The following KPNA1 variants were observed in gnomAD, a reference collection of about 807,000 sequenced individuals.
The protein encoded by KPNA1 is karyopherin subunit alpha 1.
A neutral mutation model predicts 70.5 loss-of-function variants in KPNA1; 10 were observed. The ratio of observed to expected loss-of-function variants is 0.14; its 90% CI spans 0.09 to 0.24. The LOEUF is 0.24. Ranked by LOEUF, KPNA1 falls within the 10% of genes least tolerant of loss-of-function variation. KPNA1 has a pLI of 1.00. For missense variants in KPNA1, 397 were observed against 637.9 expected (o/e 0.62, Z 4.07); for synonymous variants, 192 against 221.9 (o/e 0.87, Z 1.20).
At chr3:122,508,098 T>C (rs1271246220) in intron 1 of KPNA1, among the ~76,000 whole-genome samples, 1 of 152,010 alleles carries the variant, frequency 6.6e-6, no homozygotes, top group Non-Finnish European at 1.5e-5. Context: ...AATAAAATGG[T>C]AGACATGGTA....
intron 2 of KPNA1, among the ~76,000 whole-genome samples, chr3:122,487,046 A>T (rs1235281070): frequency 1.3e-5 from 2 of 152,214 alleles, no homozygotes; most frequent in Non-Finnish European, 2.9e-5. Context: ...ATAAAAGCAG[A>T]AGGAATGATC....
At chr3:122,448,725 T>C (rs2076167538) in intron 9 of KPNA1, among the ~76,000 whole-genome samples, 1 of 151,340 alleles carries the variant, frequency 6.6e-6, no homozygotes, top group African/African-American at 2.4e-5. Flanking sequence ...ACATTTACCC[T>C]AGGACTTAAA....
At chr3:122,496,621 T>A in intron 1 of KPNA1, 51 bp from the exon 2 acceptor site, 1 of 1,538,732 alleles carries the variant, frequency 6.5e-7, no homozygotes, top group Non-Finnish European at 8.9e-7. Flanking sequence ...AAGAGCTCTG[T>A]TATTCTAAGA....
Position 122,426,921 on chromosome 3 carries a change from C to T in KPNA1, c.*64G>A. ...AAGTTAGCTCCATGAGGACTGTGGGCTCCACAAGAGGACTCGACTGGGTAG... is the reference window on the plus strand; with the variant it reads ...AAGTTAGCTCCATGAGGACTGTGGGTTCCACAAGAGGACTCGACTGGGTAG... On this transcript the variant is annotated 3_prime_UTR_variant, in exon 14 of 14. Transcript: ENST00000344337. 7.6e-7 allele frequency: 1 copy of T among 1,320,306 alleles called. No individual in the cohort carries two copies. The highest frequency in any genetic ancestry group is 1.3e-5 in the South Asian group (1 of 79,562). 81.8% of individuals were successfully genotyped at this position (1,320,306 alleles called of 1,614,324 possible). A position where few individuals can be genotyped will look rare whatever the true frequency, so the allele number is the denominator to read the frequency against.
intron 6 of KPNA1, among the ~76,000 whole-genome samples, chr3:122,452,978 ACT>A (rs2076228175): frequency 1.3e-5 from 2 of 152,174 alleles, no homozygotes; most frequent in East Asian, 3.9e-4. Context: ...GATAGGTCTC[ACT>A]CTGTTACCGA....
chr3:122,467,677 A>AC (rs1349812007), intron 2 of KPNA1, among the ~76,000 whole-genome samples: 1 of 152,002 alleles, frequency 6.6e-6, no homozygotes, highest in African/African-American at 2.4e-5. Flanking sequence ...GAGAGGTCTG[A>AC]CACTATATGA....
intron 10 of KPNA1, among the ~76,000 whole-genome samples, chr3:122,441,511 A>G (rs1167070224): frequency 6.6e-6 from 1 of 152,238 alleles, no homozygotes; most frequent in African/African-American, 2.4e-5. Flanking sequence ...TGACCAAAAA[A>G]TAGTCACTAT....
intron 10 of KPNA1, among the ~76,000 whole-genome samples, chr3:122,437,796 G>C (rs546382833): frequency 2.0e-5 from 3 of 151,970 alleles, no homozygotes; most frequent in Non-Finnish European, 4.4e-5. Context: ...AAATACACAT[G>C]AAGAAGGAGA....
chr3:122,455,713 G>A (rs1229665162), intron 5 of KPNA1, among the ~76,000 whole-genome samples: 1 of 151,846 alleles, frequency 6.6e-6, no homozygotes, highest in Non-Finnish European at 1.5e-5. Context: ...GTGCCACCAC[G>A]CCCGGCTAAT....
chr3:122,437,055 C>G (rs1324440211), intron 11 of KPNA1, 115 bp downstream of exon 11: 1 of 1,009,800 alleles, frequency 9.9e-7, no homozygotes, highest in African/African-American at 1.6e-5. Context: ...GCTGGGATTA[C>G]AGGCAGGAGC....
intron 2 of KPNA1, among the ~76,000 whole-genome samples, chr3:122,485,124 G>GA (rs2076615107): frequency 6.6e-6 from 1 of 151,996 alleles, no homozygotes; most frequent in Non-Finnish European, 1.5e-5. Flanking sequence ...ACCTTACCCA[G>GA]GCTGGTCTCA....
At chr3:122,431,727 A>G (rs562655903) in intron 12 of KPNA1, among the ~76,000 whole-genome samples, 10 of 152,180 alleles carry the variant, frequency 6.6e-5, no homozygotes, top group Non-Finnish European at 1.2e-4. Context: ...TCTCTAACAG[A>G]GCAAAATACT....
intron 1 of KPNA1, among the ~76,000 whole-genome samples, chr3:122,496,894 G>T (rs546263173): frequency 6.6e-6 from 1 of 152,302 alleles, no homozygotes; most frequent in South Asian, 2.1e-4. Flanking sequence ...TGTAGAGACA[G>T]GGTCTGATCA....
At chr3:122,483,700 A>G (rs1291801636) in intron 2 of KPNA1, among the ~76,000 whole-genome samples, 1 of 152,176 alleles carries the variant, frequency 6.6e-6, no homozygotes, top group Non-Finnish European at 1.5e-5. Context: ...GTAGCTCTAG[A>G]AACATTTTTA....
intron 2 of KPNA1, among the ~76,000 whole-genome samples, chr3:122,490,768 T>C (rs1263101361): frequency 6.6e-6 from 1 of 152,182 alleles, no homozygotes; most frequent in African/African-American, 2.4e-5. Context: ...ACAGAGCTGG[T>C]GTTTTGTTTT....
intron 9 of KPNA1, among the ~76,000 whole-genome samples, chr3:122,444,938 G>A (rs1420797144): frequency 6.6e-6 from 1 of 152,208 alleles, no homozygotes; most frequent in Non-Finnish European, 1.5e-5. Context: ...AAACCACAAA[G>A]ATGGGGAGAA....
chr3:122,459,494 G>T (rs905612560), intron 5 of KPNA1: 27 of 985,192 alleles, frequency 2.7e-5, no homozygotes, highest in Non-Finnish European at 2.9e-5. Flanking sequence ...TTCCTCATTT[G>T]GTCCCTCTGG....
At chr3:122,490,931 GTATA>G (rs1403159606) in intron 2 of KPNA1, among the ~76,000 whole-genome samples, 1 of 151,994 alleles carries the variant, frequency 6.6e-6, no homozygotes, top group East Asian at 1.9e-4. Flanking sequence ...ATATACAAAT[GTATA>G]TATAGTTTCA....
chr3:122,441,979 A>C, intron 10 of KPNA1, 59 bp downstream of exon 10: 12 of 1,094,556 alleles, frequency 1.1e-5, no homozygotes, highest in Non-Finnish European at 1.7e-5. Context: ...TAGAAACATG[A>C]TCATGAAGTT....
Sources: allele counts gnomAD v4.1 joint callset (sites outside exome capture counted in the v4.1 genomes callset), GRCh38; gene constraint gnomAD v4.1.1; transcripts MANE v1.5; gene names NCBI Gene and HGNC (gene_info 2026-07-23, HGNC 2026-07-21).